The following SPSB4 variants were observed in gnomAD, a reference collection of about 807,000 sequenced individuals.
SPSB4 encodes the protein SPRY domain-containing SOCS box protein 4.
In SPSB4, 21 loss-of-function variants were observed where a neutral mutation model predicts 20.9. That is an observed-to-expected ratio of 1.01 (90% CI 0.71 to 1.45). The LOEUF (loss-of-function observed/expected upper bound fraction) is 1.45. SPSB4 is among the 40% of genes most tolerant of loss of function. The probability of loss-of-function intolerance (pLI) is 0.00; values close to 1 mark genes in which losing one functional copy is unlikely to be tolerated. For missense variants in SPSB4, 399 were observed against 399.2 expected (o/e 1.00, Z 0.00); for synonymous variants, 207 against 183.8 (o/e 1.13, Z -1.02).
At chr3:141,093,955 G>A (rs1483513462) in intron 2 of SPSB4, among the ~76,000 whole-genome samples, 1 of 152,174 alleles carries the variant, frequency 6.6e-6, no homozygotes, top group Non-Finnish European at 1.5e-5. Context: ...TCCACCTCTG[G>A]GAAGTGGAGG....
Position 141,135,597 on chromosome 3 carries a change from G to GT in SPSB4, c.695-11539dup, listed in dbSNP as rs1169984747. 4.6e-5 allele frequency among the ~76,000 whole-genome samples: 7 copies of GT among 151,308 alleles called. No homozygotes were observed. The South Asian group carries it at 6.3e-4, about 14-fold the overall frequency. ...TATGAGTGAGAACATGCAGTGTTTG[G>GT]TTTTTTGTCCTTGTGATAGTTTGCT... On this transcript the variant is annotated intron_variant, in intron 2 of 2. Transcript: ENST00000310546.
intron 2 of SPSB4, among the ~76,000 whole-genome samples, chr3:141,073,404 G>A (rs1938043166): frequency 6.6e-6 from 1 of 152,144 alleles, no homozygotes; most frequent in South Asian, 2.1e-4. Context: ...TTATTAATTT[G>A]ATATTAAGGA....
At chr3:141,076,454 G>A (rs757524059) in intron 2 of SPSB4, among the ~76,000 whole-genome samples, 14 of 152,254 alleles carry the variant, frequency 9.2e-5, no homozygotes, top group Non-Finnish European at 1.8e-4. Context: ...TACTGCAAAT[G>A]GAAACAGCTC....
chr3:141,073,058 T>A (rs886677744), intron 2 of SPSB4, among the ~76,000 whole-genome samples: 2 of 152,252 alleles, frequency 1.3e-5, no homozygotes, highest in African/African-American at 4.8e-5. Context: ...TTTGGACATT[T>A]AGGCAGTTTC....
chr3:141,141,616 A>G (rs375336211), intron 2 of SPSB4, among the ~76,000 whole-genome samples: 17 of 152,322 alleles, frequency 1.1e-4, no homozygotes, highest in African/African-American at 4.1e-4. Flanking sequence ...TTTCGGAAAG[A>G]TTAGTACCAA....
chr3:141,110,941 T>A (rs901979610), intron 2 of SPSB4, among the ~76,000 whole-genome samples: 1 of 152,198 alleles, frequency 6.6e-6, no homozygotes, highest in Non-Finnish European at 1.5e-5. Flanking sequence ...AGAGCAGGGA[T>A]TTGAACTGTC....
At chr3:141,074,515 T>G (rs1393497242) in intron 2 of SPSB4, among the ~76,000 whole-genome samples, 1 of 152,222 alleles carries the variant, frequency 6.6e-6, no homozygotes, top group East Asian at 1.9e-4. Context: ...GACTCGTTTC[T>G]CTCTAAGATA....
intron 2 of SPSB4, among the ~76,000 whole-genome samples, chr3:141,099,830 T>A (rs547567168): frequency 6.6e-6 from 1 of 152,278 alleles, no homozygotes; most frequent in South Asian, 2.1e-4. Context: ...CCCCCTAACC[T>A]GAGGTCAGTC....
intron 2 of SPSB4, among the ~76,000 whole-genome samples, chr3:141,099,910 A>G (rs929451374): frequency 1.3e-5 from 2 of 152,226 alleles, no homozygotes; most frequent in African/African-American, 4.8e-5. Context: ...CCATGCAACC[A>G]TCAGACACAT....
intron 2 of SPSB4, among the ~76,000 whole-genome samples, chr3:141,075,722 G>T (rs931598999): frequency 1.3e-5 from 2 of 151,922 alleles, no homozygotes; most frequent in East Asian, 1.9e-4. Flanking sequence ...CCATCTACCC[G>T]CCATGCTGAA....
intron 1 of SPSB4, among the ~76,000 whole-genome samples, chr3:141,055,637 G>A (rs76921378): frequency 1.3e-5 from 2 of 152,200 alleles, no homozygotes; most frequent in African/African-American, 2.4e-5. Flanking sequence ...TTCTGAACTA[G>A]GGGAAAGCTG....
intron 2 of SPSB4, among the ~76,000 whole-genome samples, chr3:141,075,768 C>T (rs57933271): frequency 0.044 from 6,725 of 152,028 alleles, 500 homozygotes; most frequent in African/African-American, 0.15. Flanking sequence ...ATATTCCAGC[C>T]GGGCTTTGTG....
intron 2 of SPSB4, among the ~76,000 whole-genome samples, chr3:141,069,860 CATG>C (rs1218917999): frequency 6.6e-6 from 1 of 152,186 alleles, no homozygotes; most frequent in African/African-American, 2.4e-5. Context: ...TTTCCTCTAA[CATG>C]ATGAAAGTAA....
chr3:141,072,226 T>C (rs1314424446), intron 2 of SPSB4, among the ~76,000 whole-genome samples: 2 of 152,206 alleles, frequency 1.3e-5, no homozygotes, highest in African/African-American at 4.8e-5. Flanking sequence ...AGGCCTTCTT[T>C]CCCCAAGTGG....
chr3:141,066,409 T>C lies in SPSB4; in HGVS notation c.305T>C (p.Ile102Thr). 6.5e-7 allele frequency: 1 copy of C among 1,532,074 alleles called. No individual in the cohort carries two copies. The allele number at this position is 1,532,074 out of a possible 1,614,324, so 94.9% of individuals were successfully genotyped here. The stretch of plus-strand genomic sequence containing the variant: ...GCCCGCGGCCTGCACGCCTGGCAGA[T>C]CAACTGGCCGGCTCGGCAGCGCGGC... ...GHARGLHAWQ[I>T]NWPARQRGTH... The change falls in exon 2 of 3, where the codon ATC (isoleucine) becomes ACC (threonine). Residue 102 changes from isoleucine (I) to threonine (T), a missense_variant. Ile to Thr is a moderately conservative substitution (Grantham distance 89). Transcript: ENST00000310546.
At chr3:141,092,967 C>A (rs947713628) in intron 2 of SPSB4, among the ~76,000 whole-genome samples, 1 of 152,168 alleles carries the variant, frequency 6.6e-6, no homozygotes, top group Admixed American at 6.5e-5. Context: ...TTTCTCCCTC[C>A]CCAGGCCTTG....
chr3:141,059,854 C>T (rs1187355275), intron 1 of SPSB4, among the ~76,000 whole-genome samples: 1 of 152,216 alleles, frequency 6.6e-6, no homozygotes, highest in Non-Finnish European at 1.5e-5. Flanking sequence ...TGCTCTGATA[C>T]TTGCAAAAGC....
intron 2 of SPSB4, among the ~76,000 whole-genome samples, chr3:141,129,416 A>G (rs1939100612): frequency 6.6e-6 from 1 of 151,572 alleles, no homozygotes; most frequent in Non-Finnish European, 1.5e-5. Context: ...TTTCTCTGGG[A>G]CTCTTTTGGT....
At chr3:141,120,812 C>G (rs1354487988) in intron 2 of SPSB4, among the ~76,000 whole-genome samples, 2 of 152,056 alleles carry the variant, frequency 1.3e-5, no homozygotes, top group Non-Finnish European at 2.9e-5. Context: ...TGTCTCTGCA[C>G]GTGAGATGGG....
Sources: allele counts gnomAD v4.1 joint callset (sites outside exome capture counted in the v4.1 genomes callset), GRCh38; gene constraint gnomAD v4.1.1; transcripts MANE v1.5; gene names NCBI Gene and HGNC (gene_info 2026-07-23, HGNC 2026-07-21).